ACTR3C: variants seen among roughly 807,000 people sequenced by gnomAD.
ACTR3C encodes the protein actin related protein 3C, also known as actin-related protein 3C.
In ACTR3C, 18 loss-of-function variants were observed where a neutral mutation model predicts 26.3. The observed-to-expected ratio is 0.68, with a 90% CI of 0.47 to 1.01. The LOEUF (loss-of-function observed/expected upper bound fraction) is 1.01. Among genes scored for constraint, ACTR3C ranks in the 50% least tolerant of loss-of-function variants. The pLI is 0.00. For synonymous variants in ACTR3C, 55 were observed against 94.5 expected, an observed-to-expected ratio of 0.58 and a Z score of 2.42; for missense variants, 184 against 250.7, an observed-to-expected ratio of 0.73 and a Z score of 1.80.
intron 1 of ACTR3C, among the ~76,000 whole-genome samples, chr7:150,310,458 C>T (rs1025153151): frequency 3.3e-5 from 5 of 152,128 alleles, no homozygotes; most frequent in Non-Finnish European, 7.4e-5. Context: ...ATCCAGAAAC[C>T]GGGCAAGTCC....
the ACTR3C span, among the ~76,000 whole-genome samples, chr7:149,978,190 A>C: frequency 2.0e-5 from 3 of 152,354 alleles, no homozygotes; most frequent in African/African-American, 2.4e-5. Context: ...GGTTTGTATG[A>C]GCAGTGGCAG....
At chr7:150,263,426 C>T (rs1309463118) in intron 6 of ACTR3C, among the ~76,000 whole-genome samples, 20 of 151,060 alleles carry the variant, frequency 1.3e-4, no homozygotes, top group African/African-American at 4.4e-4. Context: ...GAAAATAGAT[C>T]TGGAGAAAGT....
At chr7:150,276,701 C>T (rs1366498852) in intron 6 of ACTR3C, among the ~76,000 whole-genome samples, 6 of 152,368 alleles carry the variant, frequency 3.9e-5, no homozygotes, top group East Asian at 1.9e-4. Flanking sequence ...CCTCTTCGGC[C>T]TGCAACTGCT....
the ACTR3C span, among the ~76,000 whole-genome samples, chr7:150,089,164 T>C: frequency 1.5e-4 from 23 of 152,238 alleles, no homozygotes; most frequent in Non-Finnish European, 2.9e-5. Context: ...TTTTTAGATC[T>C]GACAGCCCAC....
At chr7:150,190,115 G>A in the ACTR3C span, among the ~76,000 whole-genome samples, 1 of 152,180 alleles carries the variant, frequency 6.6e-6, no homozygotes, top group Non-Finnish European at 1.5e-5. Context: ...TACTCATAGA[G>A]TGGTATTTCA....
the ACTR3C span, among the ~76,000 whole-genome samples, chr7:150,173,528 C>G: frequency 6.7e-6 from 1 of 149,234 alleles, no homozygotes; most frequent in African/African-American, 2.6e-5. Context: ...TTCTAGGCCT[C>G]TGGACCTGTG....
intron 6 of ACTR3C, among the ~76,000 whole-genome samples, chr7:150,261,065 A>G (rs904380705): frequency 1.3e-5 from 2 of 152,276 alleles, no homozygotes; most frequent in African/African-American, 4.8e-5. Flanking sequence ...TGATATAATA[A>G]CTTCTGTGAT....
At chr7:150,219,003 A>G in the ACTR3C span, among the ~76,000 whole-genome samples, 7 of 152,292 alleles carry the variant, frequency 4.6e-5, no homozygotes, top group East Asian at 1.3e-3. Flanking sequence ...TTGCTGATTC[A>G]AATATTTCAT....
At chr7:150,058,948 G>A in the ACTR3C span, among the ~76,000 whole-genome samples, 1 of 152,048 alleles carries the variant, frequency 6.6e-6, no homozygotes, top group Admixed American at 6.6e-5. Flanking sequence ...AAACAAACAT[G>A]AGAAGAAGGG....
the ACTR3C span, among the ~76,000 whole-genome samples, chr7:150,170,027 G>A: frequency 5.4e-5 from 8 of 149,128 alleles, no homozygotes; most frequent in Admixed American, 1.3e-4. Context: ...GCCAAGAATC[G>A]AGGTGTGGTT....
chr7:149,920,594 T>A, the ACTR3C span, among the ~76,000 whole-genome samples: 1 of 151,560 alleles, frequency 6.6e-6, no homozygotes, highest in African/African-American at 2.4e-5. Context: ...ATTACAGGCA[T>A]TAGCCACTGT....
the ACTR3C span, among the ~76,000 whole-genome samples, chr7:150,021,014 T>G: frequency 3.3e-5 from 5 of 151,964 alleles, no homozygotes; most frequent in Non-Finnish European, 5.9e-5. Context: ...AGGGACAGGG[T>G]TTCACCGTTT....
At chr7:150,289,674 T>C (rs1836077377) in intron 3 of ACTR3C, 81 bp from the exon 4 acceptor site, 1 of 1,568,612 alleles carries the variant, frequency 6.4e-7, no homozygotes, top group South Asian at 1.2e-5. Context: ...GTTTCCTGCC[T>C]CAGCCTCCCT....
At chr7:149,958,794 G>C in the ACTR3C span, among the ~76,000 whole-genome samples, 1 of 152,230 alleles carries the variant, frequency 6.6e-6, no homozygotes, top group Non-Finnish European at 1.5e-5. Context: ...TTGCAAAGAA[G>C]AGGTATGATT....
chr7:150,189,170 C>A, the ACTR3C span, among the ~76,000 whole-genome samples: 1 of 151,484 alleles, frequency 6.6e-6, no homozygotes, highest in African/African-American at 2.4e-5. Context: ...TATAAAGTAG[C>A]TTCAGAATTG....
the ACTR3C span, among the ~76,000 whole-genome samples, chr7:149,983,103 G>A: frequency 0.032 from 4,804 of 150,120 alleles, 174 homozygotes; most frequent in African/African-American, 0.092. Context: ...ACCTTATGCT[G>A]TACATAAAAA....
the ACTR3C span, among the ~76,000 whole-genome samples, chr7:149,959,234 C>CA: frequency 2.0e-5 from 3 of 148,016 alleles, no homozygotes; most frequent in South Asian, 2.2e-4. Flanking sequence ...CCCCCACCCC[C>CA]ACAATCTCCT....
the ACTR3C span, among the ~76,000 whole-genome samples, chr7:150,037,574 C>CG: frequency 0.046 from 930 of 20,126 alleles, 228 homozygotes; most frequent in Middle Eastern, 0.28. Context: ...CCTAAGAACC[C>CG]GGGGGGGAAG....
At chr7:149,941,366 T>C in the ACTR3C span, among the ~76,000 whole-genome samples, 7 of 152,240 alleles carry the variant, frequency 4.6e-5, no homozygotes, top group African/African-American at 1.2e-4. Flanking sequence ...CAAGTGCTTA[T>C]GGCTTCTATC....
Sources: gnomAD v4.1 joint callset for allele counts (sites outside exome capture counted in the v4.1 genomes callset) on GRCh38, gnomAD v4.1.1 for gene constraint, MANE v1.5 for transcripts, NCBI Gene and HGNC (gene_info 2026-07-23, HGNC 2026-07-21) for gene names.